The following PKD1L1 variants were observed in gnomAD, a reference collection of about 807,000 sequenced individuals.
PKD1L1 encodes polycystin 1 like 1, transient receptor potential channel interacting.
In PKD1L1, 236 loss-of-function variants were observed where a neutral mutation model predicts 323.4. The observed-to-expected ratio is 0.73, with a 90% CI of 0.66 to 0.81. PKD1L1 has a LOEUF of 0.81. PKD1L1 is among the 40% of genes least tolerant of loss of function. PKD1L1 has a pLI of 0.00. For missense variants in PKD1L1, 3,320 were observed against 3,508.0 expected (o/e 0.95, Z 1.35); for synonymous variants, 1,344 against 1,335.0 (o/e 1.01, Z -0.15).
chr7:47,849,845 A>C (rs1400277337), intron 31 of PKD1L1, among the ~76,000 whole-genome samples: 1 of 152,236 alleles, frequency 6.6e-6, no homozygotes, highest in Non-Finnish European at 1.5e-5. Context: ...AGCCATAAGA[A>C]GGAACAAAAT....
At chr7:47,926,526 T>C (rs1481013110) in intron 7 of PKD1L1, among the ~76,000 whole-genome samples, 1 of 152,216 alleles carries the variant, frequency 6.6e-6, no homozygotes, top group Non-Finnish European at 1.5e-5. Flanking sequence ...CCTCAGACCA[T>C]GGTCACTCAT....
rs1205533921 is a variant in PKD1L1 at position 47,835,042 on chromosome 7, G to A, written c.6055-3C>T. On this transcript the variant is annotated splice_region_variant and splice_polypyrimidine_tract_variant and intron_variant, in intron 38 of 56. Coordinates refer to ENST00000289672, the MANE Select transcript of PKD1L1 (RefSeq NM_138295.5). The stretch of plus-strand genomic sequence containing the variant: ...ACTCGGGCAGACCCCGGGGCTTCCT[G>A]CAGAAGGAAAGAGGTGGTTCGCCAA... 5.6e-6 allele frequency: 9 copies of A among 1,613,604 alleles called. No homozygotes were observed. The highest frequency in any genetic ancestry group is 4.0e-5 in the African/African-American group (3 of 74,918).
intron 56 of PKD1L1, among the ~76,000 whole-genome samples, chr7:47,776,684 C>T (rs1157353568): frequency 2.0e-5 from 3 of 152,138 alleles, no homozygotes; most frequent in Non-Finnish European, 4.4e-5. Context: ...GAATCCAATT[C>T]AACCTGGAAT....
intron 1 of PKD1L1, among the ~76,000 whole-genome samples, chr7:47,947,717 CAGTACTTTGGG>C (rs1263610032): frequency 6.6e-6 from 1 of 152,178 alleles, no homozygotes; most frequent in Non-Finnish European, 1.5e-5. Flanking sequence ...CCTGTAATCC[CAGTACTTTGGG>C]AGGCCAAGGC....
intron 49 of PKD1L1, 30 bp from the exon 50 acceptor site, chr7:47,812,081 A>G (rs373951831): frequency 2.0e-6 from 3 of 1,535,442 alleles, no homozygotes; most frequent in South Asian, 1.2e-5. Flanking sequence ...GGGGTAGGGC[A>G]GGGCAGGGAG....
At chr7:47,885,025 C>T (rs1786651801) in intron 18 of PKD1L1, among the ~76,000 whole-genome samples, 1 of 152,200 alleles carries the variant, frequency 6.6e-6, no homozygotes, top group Non-Finnish European at 1.5e-5. Flanking sequence ...ATGTCTCACT[C>T]TTTTCTTTTA....
At chr7:47,899,689 A>G (rs567642830) in intron 13 of PKD1L1, among the ~76,000 whole-genome samples, 85 of 152,110 alleles carry the variant, frequency 5.6e-4, no homozygotes, top group African/African-American at 1.7e-3. Flanking sequence ...AGGCACGGTG[A>G]CGCAAGCCTG....
intron 49 of PKD1L1, among the ~76,000 whole-genome samples, chr7:47,812,673 C>A (rs529622389): frequency 6.6e-6 from 1 of 152,072 alleles, no homozygotes; most frequent in South Asian, 2.1e-4. Flanking sequence ...ATGGGGCAGG[C>A]GGCCTGACCT....
chr7:47,899,261 T>C (rs1787024824), intron 13 of PKD1L1, among the ~76,000 whole-genome samples: 1 of 152,232 alleles, frequency 6.6e-6, no homozygotes, highest in Non-Finnish European at 1.5e-5. Flanking sequence ...ATGACCCTGG[T>C]AGTCTTTTAA....
intron 1 of PKD1L1, 144 bp downstream of exon 1, chr7:47,948,253 G>T: frequency 1.1e-6 from 1 of 906,900 alleles, no homozygotes; most frequent in Non-Finnish European, 1.7e-6. Context: ...GACCCCGCCG[G>T]CCAAATGCAC....
Position 47,858,774 on chromosome 7 carries a change from C to G in PKD1L1, c.4261G>C (p.Gly1421Arg), listed in dbSNP as rs146609164. The change falls in exon 27 of 57, where the codon GGT (glycine) becomes CGT (arginine). Residue 1421 changes from glycine to arginine, a missense_variant. Coordinates refer to ENST00000289672, the MANE Select transcript of PKD1L1 (RefSeq NM_138295.5). ...IDKGVRLELI[G>R]LISRVWEVSE... ...ACTTCCCAGACTCTGGATATGAGACCGATGAGCTCAAGCCTCACTCCTTTG... is the reference window on the plus strand; with the variant it reads ...ACTTCCCAGACTCTGGATATGAGACGGATGAGCTCAAGCCTCACTCCTTTG... 1.9e-6 allele frequency: 3 copies of G among 1,614,058 alleles called. No individual in the cohort carries two copies. The African/African-American group carries it at 4.0e-5, about 22-fold the overall frequency.
rs765950000 is a variant in PKD1L1, at chr7:47,885,800, C to A, written c.3091G>T (p.Ala1031Ser). ...PAGDSAVLGE[A>S]PEEGSLDLEP... ...AGGTCTAGTGAACCTTCCTCTGGAG[C>A]CTCCCCCAGGACTGCAGAGTCCCCC... Residue 1031 changes from alanine (A) to serine (S), a missense_variant, in exon 18 of 57, where the codon GCT becomes TCT. Physicochemically the swap from Ala to Ser is moderately conservative, Grantham distance 99. Coordinates refer to ENST00000289672, the MANE Select transcript of PKD1L1 (RefSeq NM_138295.5). The A allele has an allele frequency of 6.2e-7, 1 of 1,614,180 alleles. No homozygotes were observed. Among genetic ancestry groups the A allele is most frequent in the East Asian group, 2.2e-5 (1 of 44,876 alleles).
chr7:47,958,200 TA>T, the PKD1L1 span, among the ~76,000 whole-genome samples: 1 of 152,078 alleles, frequency 6.6e-6, no homozygotes. Context: ...AAATATGCCA[TA>T]AAACTAAAGT....
chr7:47,794,282 A>G (rs1472977689), intron 55 of PKD1L1, among the ~76,000 whole-genome samples: 1 of 152,058 alleles, frequency 6.6e-6, no homozygotes, highest in Non-Finnish European at 1.5e-5. Context: ...GATGCCAAGG[A>G]GGAATAAGTG....
At chr7:47,848,711 A>AG (rs1785716757) in intron 31 of PKD1L1, among the ~76,000 whole-genome samples, 2 of 152,354 alleles carry the variant, frequency 1.3e-5, no homozygotes, top group South Asian at 4.1e-4. Flanking sequence ...AGGCTGAGGC[A>AG]GGAGAATCAC....
chr7:47,931,859 G>A (rs1787776781), intron 5 of PKD1L1, 77 bp downstream of exon 5: 1 of 1,514,968 alleles, frequency 6.6e-7, no homozygotes, highest in Admixed American at 2.0e-5. Context: ...CTACATACGG[G>A]TGAGTCTCCC....
chr7:47,833,155 T>A lies in PKD1L1; in HGVS notation c.6272A>T (p.His2091Leu), dbSNP rs569251371. The stretch of plus-strand genomic sequence containing the variant: ...AGAAGTCCTGCTGTGGTCAGCCCCA[T>A]GAACCTGCAGCTTAGGGGCTGGACA... ...TACPAPKLQV[H>L]GADHSRTSLM... The change falls in exon 41 of 57, where the codon CAT (histidine) becomes CTT (leucine). Residue 2091 changes from histidine to leucine, a missense_variant. Physicochemically the swap from His to Leu is moderately conservative, Grantham distance 99. Coordinates refer to ENST00000289672, the MANE Select transcript of PKD1L1 (RefSeq NM_138295.5). The A allele has an allele frequency of 6.2e-7, 1 of 1,612,850 alleles. No individual in the cohort carries two copies. The highest frequency in any genetic ancestry group is 1.1e-5 in the South Asian group (1 of 90,546).
In PKD1L1 at chr7:47,830,021, C is replaced by A; in HGVS notation, c.6558+19G>T. 1 of 1,611,748 alleles carries A rather than the reference C, an allele frequency of 6.2e-7. No homozygotes were observed. The highest frequency in any genetic ancestry group is 8.5e-7 in the Non-Finnish European group (1 of 1,177,818). ...CCCTGCTGATGGAAGGCACTTCTAC[C>A]ATGGAGGGTGTTTCTTACCATAAGT... On this transcript the variant is annotated intron_variant, in intron 43 of 56. Transcript: ENST00000289672.
chr7:47,799,633 C>T (rs1282079161), intron 54 of PKD1L1, among the ~76,000 whole-genome samples: 1 of 152,138 alleles, frequency 6.6e-6, no homozygotes. Flanking sequence ...AGGGGAGAAT[C>T]GGTGCTGGGA....
Sources: allele counts gnomAD v4.1 joint callset (sites outside exome capture counted in the v4.1 genomes callset), GRCh38; gene constraint gnomAD v4.1.1; transcripts MANE v1.5; gene names NCBI Gene and HGNC (gene_info 2026-07-23, HGNC 2026-07-21).